Variants in ZMIZ1 observed in about 807,000 individuals in gnomAD.
ZMIZ1 encodes the protein zinc finger MIZ-type containing 1.
A neutral mutation model predicts 113.9 loss-of-function variants in ZMIZ1; 17 were observed. The ratio of observed to expected loss-of-function variants is 0.15; its 90% CI spans 0.10 to 0.22. The LOEUF (loss-of-function observed/expected upper bound fraction) is 0.22. ZMIZ1 is among the 10% of genes least tolerant of loss of function. ZMIZ1 has a pLI of 1.00. For synonymous variants in ZMIZ1, 607 were observed against 603.1 expected, an observed-to-expected ratio of 1.01 and a Z score of -0.09; for missense variants, 1,059 against 1,477.8, an observed-to-expected ratio of 0.72 and a Z score of 4.65.
At chr10:79,254,960 T>G (rs781591326) in intron 7 of ZMIZ1, among the ~76,000 whole-genome samples, 4 of 152,242 alleles carry the variant, frequency 2.6e-5, no homozygotes, top group Non-Finnish European at 5.9e-5. Context: ...AAGGTCTCCC[T>G]GAGCTGCCCA....
chr10:79,301,536 C>T (rs865948213), intron 17 of ZMIZ1, among the ~76,000 whole-genome samples: 1 of 152,166 alleles, frequency 6.6e-6, no homozygotes, highest in African/African-American at 2.4e-5. Context: ...AAATTGCCTG[C>T]CCCACTCCAC....
chr10:79,158,789 C>A (rs1476507478), intron 3 of ZMIZ1, among the ~76,000 whole-genome samples: 1 of 152,198 alleles, frequency 6.6e-6, no homozygotes, highest in Non-Finnish European at 1.5e-5. Context: ...CCAGGACAGT[C>A]CCTACCCCCA....
intron 2 of ZMIZ1, among the ~76,000 whole-genome samples, chr10:79,133,916 T>A (rs1358654029): frequency 6.6e-6 from 1 of 152,280 alleles, no homozygotes; most frequent in Admixed American, 6.5e-5. Context: ...ACCATTCATT[T>A]TGCATTTATT....
intron 7 of ZMIZ1, among the ~76,000 whole-genome samples, chr10:79,231,521 G>C (rs944553519): frequency 3.9e-5 from 6 of 152,074 alleles, no homozygotes; most frequent in African/African-American, 1.4e-4. Flanking sequence ...TAAGATTATA[G>C]GTGTGAGCCA....
chr10:79,277,403 G>T, intron 8 of ZMIZ1, 78 bp downstream of exon 8: 1 of 1,473,676 alleles, frequency 6.8e-7, no homozygotes, highest in Non-Finnish European at 9.0e-7. Context: ...CATGTCCCTG[G>T]GGTGGGGGCC....
At chr10:79,193,701 G>A (rs1354382485) in intron 4 of ZMIZ1, among the ~76,000 whole-genome samples, 1 of 152,162 alleles carries the variant, frequency 6.6e-6, no homozygotes, top group Admixed American at 6.5e-5. Flanking sequence ...GATAGGGATG[G>A]AAACCAAGAA....
At chr10:79,303,231 C>T (rs1174834216) in intron 18 of ZMIZ1, among the ~76,000 whole-genome samples, 17 of 151,542 alleles carry the variant, frequency 1.1e-4, no homozygotes, top group East Asian at 2.0e-4. Flanking sequence ...TTTGGGAGGC[C>T]GAGGCGGGAG....
Position 79,313,890 on chromosome 10 carries a change from A to C in ZMIZ1, c.*1141A>C, listed in dbSNP as rs938908724. 19 of 375,540 alleles carry C rather than the reference A, an allele frequency of 5.1e-5. No individual in the cohort carries two copies. Among genetic ancestry groups the C allele is most frequent in the African/African-American group, 3.1e-4 (15 of 47,740 alleles). 23.3% of individuals were successfully genotyped at this position (375,540 alleles called of 1,614,324 possible). On this transcript the variant is annotated 3_prime_UTR_variant, in exon 25 of 25. Coordinates refer to ENST00000334512, the MANE Select transcript of ZMIZ1 (RefSeq NM_020338.4). ...GTGGAAAGGCCGGGGAGGTGCAGAA[A>C]CCAGAGCCCAGGGCAATGGTGTCTG... is the stretch of plus-strand genomic sequence containing the variant.
At chr10:79,180,992 CAG>C (rs1235518025) in intron 4 of ZMIZ1, among the ~76,000 whole-genome samples, 2 of 152,214 alleles carry the variant, frequency 1.3e-5, no homozygotes, top group African/African-American at 2.4e-5. Flanking sequence ...GATGGGGAAA[CAG>C]AGGCTGAGTG....
At chr10:79,102,065 A>G (rs777211030) in intron 1 of ZMIZ1, among the ~76,000 whole-genome samples, 3 of 152,178 alleles carry the variant, frequency 2.0e-5, no homozygotes, top group Non-Finnish European at 4.4e-5. Context: ...CCTGCTCTCA[A>G]GGAGGAAGAG....
intron 7 of ZMIZ1, among the ~76,000 whole-genome samples, chr10:79,247,076 G>T (rs997351338): frequency 4.2e-4 from 64 of 152,360 alleles, no homozygotes; most frequent in African/African-American, 1.5e-3. Flanking sequence ...CACTCCCCCA[G>T]CAGCAGGCCT....
chr10:79,203,997 A>G (rs1013670302), intron 5 of ZMIZ1, among the ~76,000 whole-genome samples: 1 of 151,994 alleles, frequency 6.6e-6, no homozygotes, highest in Non-Finnish European at 1.5e-5. Context: ...TACGTGCTCC[A>G]TGCCCCTCCT....
intron 1 of ZMIZ1, among the ~76,000 whole-genome samples, chr10:79,114,479 G>C (rs1227818103): frequency 1.6e-5 from 2 of 123,572 alleles, no homozygotes; most frequent in African/African-American, 6.4e-5. Context: ...GTGTGTGTCT[G>C]TGTGTGTGTG....
At position 79,186,508 on chromosome 10, in the gene ZMIZ1, G is replaced by A. The variant is rs527684634; in HGVS notation, c.-49-15076G>A. Among the ~76,000 whole-genome samples, 98 of 152,272 alleles carry A rather than the reference G, an allele frequency of 6.4e-4. 1 individual carries two copies. Among genetic ancestry groups the A allele is most frequent in the African/African-American group, 2.1e-3 (89 of 41,556 alleles). On this transcript the variant is annotated intron_variant, in intron 4 of 24. Coordinates refer to ENST00000334512, the MANE Select transcript of ZMIZ1 (RefSeq NM_020338.4). ...CAGCGGGTCTTTCTTGTTGATTCCC[G>A]AAATCCTGTCAGATCTTGCTATTAG...
chr10:79,095,048 C>G (rs1314681068), intron 1 of ZMIZ1, among the ~76,000 whole-genome samples: 1 of 152,184 alleles, frequency 6.6e-6, no homozygotes, highest in African/African-American at 2.4e-5. Context: ...AGAGGGCTGT[C>G]CCTGCCCAGC....
chr10:79,314,409 G>C lies in ZMIZ1; in HGVS notation c.*1660G>C, dbSNP rs1456703174. 1 of 371,062 alleles carries C rather than the reference G, an allele frequency of 2.7e-6. No individual in the cohort carries two copies. The highest frequency in any genetic ancestry group is 3.2e-5 in the Admixed American group (1 of 31,120). 23.0% of individuals were successfully genotyped at this position (371,062 alleles called of 1,614,324 possible). A position where few individuals can be genotyped will look rare whatever the true frequency, so the allele number is the denominator to read the frequency against. On this transcript the variant is annotated 3_prime_UTR_variant, in exon 25 of 25. Transcript: ENST00000334512. ...TACCGGAAAGGTGGCCCCAGCTGTT[G>C]ACTTCCAGTCACTGTCCCAGACGGC...
chr10:79,140,251 C>A (rs1338934127), intron 3 of ZMIZ1, among the ~76,000 whole-genome samples: 1 of 152,180 alleles, frequency 6.6e-6, no homozygotes, highest in Non-Finnish European at 1.5e-5. Context: ...GGGGATGTGG[C>A]TGTGGTCTCC....
chr10:79,159,350 C>T (rs1337601478), intron 3 of ZMIZ1, among the ~76,000 whole-genome samples: 1 of 152,206 alleles, frequency 6.6e-6, no homozygotes, highest in East Asian at 1.9e-4. Flanking sequence ...GGTGGGTGTG[C>T]ACAGCATGGC....
intron 1 of ZMIZ1, among the ~76,000 whole-genome samples, chr10:79,093,157 C>CAT (rs1037574923): frequency 2.8e-5 from 4 of 141,864 alleles, no homozygotes; most frequent in Admixed American, 2.8e-4. Context: ...CACACACACA[C>CAT]ACACACACAC....
Sources: allele counts gnomAD v4.1 joint callset (sites outside exome capture counted in the v4.1 genomes callset), GRCh38; gene constraint gnomAD v4.1.1; transcripts MANE v1.5; gene names NCBI Gene and HGNC (gene_info 2026-07-23, HGNC 2026-07-21).